The following PUM2 variants were observed in gnomAD, a reference collection of about 807,000 sequenced individuals.
The protein encoded by PUM2 is pumilio homolog 2.
A neutral mutation model predicts 124.5 loss-of-function variants in PUM2; 57 were observed. That is an observed-to-expected ratio of 0.46 (90% confidence interval 0.37 to 0.57). The LOEUF is 0.57. Ranked by LOEUF, PUM2 falls within the 20% of genes least tolerant of loss-of-function variation. The probability of loss-of-function intolerance (pLI) is 0.00; values close to 1 mark genes in which losing one functional copy is unlikely to be tolerated. For missense variants in PUM2, 1,065 were observed against 1,290.6 expected, an observed-to-expected ratio of 0.83 and a Z score of 2.68; for synonymous variants, 460 against 446.1, an observed-to-expected ratio of 1.03 and a Z score of -0.39.
intron 20 of PUM2, among the ~76,000 whole-genome samples, 183 bp from the exon 21 acceptor site, chr2:20,251,899 C>T (rs1013636214): frequency 2.0e-5 from 3 of 152,154 alleles, no homozygotes; most frequent in Non-Finnish European, 4.4e-5. Flanking sequence ...CATCTGTTCT[C>T]GAAATTGTTC....
intron 10 of PUM2, among the ~76,000 whole-genome samples, chr2:20,288,982 T>G (rs924964693): frequency 9.5e-4 from 144 of 152,244 alleles, no homozygotes; most frequent in African/African-American, 3.3e-3. Flanking sequence ...CTCAAAAGAT[T>G]AAGTAATCCA....
chr2:20,342,085 C>T (rs1268007669), intron 1 of PUM2, among the ~76,000 whole-genome samples: 3 of 148,294 alleles, frequency 2.0e-5, no homozygotes, highest in African/African-American at 7.5e-5. Context: ...GCGGAGATTG[C>T]GCCACTACAC....
In PUM2 at chr2:20,318,574, C is replaced by T; in HGVS notation, c.123G>A (p.Gly41=). The T allele has an allele frequency of 1.2e-6, 2 of 1,613,498 alleles. No homozygotes were observed. The highest frequency in any genetic ancestry group is 1.7e-4 in the Middle Eastern group (1 of 6,058). The change falls in exon 3 of 21, where the codon GGG becomes GGA. Residue 41 remains glycine (G), a synonymous_variant. Coordinates refer to ENST00000361078, the MANE Select transcript of PUM2 (RefSeq NM_015317.5). ...TKDGQKGIFL[G]DDEWRETAWG... ...ATGCAGTCTCTCTCCATTCATCATC[C>T]CCAAGAAATATGCCTTTTTGTCCAT...
intron 2 of PUM2, among the ~76,000 whole-genome samples, chr2:20,325,361 C>T (rs1558650121): frequency 6.6e-6 from 1 of 152,202 alleles, no homozygotes; most frequent in African/African-American, 2.4e-5. Flanking sequence ...CCATATCTGA[C>T]ATGTCCAATA....
intron 10 of PUM2, among the ~76,000 whole-genome samples, chr2:20,288,676 AAAG>A (rs1673286650): frequency 6.6e-6 from 1 of 152,246 alleles, no homozygotes; most frequent in African/African-American, 2.4e-5. Context: ...AGAAAGCTAG[AAAG>A]AAGAGCTAAA....
intron 13 of PUM2, among the ~76,000 whole-genome samples, chr2:20,263,886 A>T (rs1367611097): frequency 6.6e-6 from 1 of 152,178 alleles, no homozygotes; most frequent in Non-Finnish European, 1.5e-5. Flanking sequence ...ATTGAATGTT[A>T]AATCTCTAGT....
At position 20,316,667 on chromosome 2, in the gene PUM2, T is replaced by C. The variant is rs114004398; in HGVS notation, c.160+1870A>G. On this transcript the variant is annotated intron_variant, in intron 3 of 20. Coordinates refer to ENST00000361078, the MANE Select transcript of PUM2 (RefSeq NM_015317.5). ...TCACGCCTGAGGCAGGAGGATCACT[T>C]GAGGGCAGAAGTTCCGAGACCAGCC... Among the ~76,000 whole-genome samples the C allele has an allele frequency of 7.3e-3, 1,111 of 152,244 alleles. 21 individuals carry two copies. The highest frequency in any genetic ancestry group is 0.026 in the African/African-American group (1,070 of 41,548).
intron 1 of PUM2, among the ~76,000 whole-genome samples, chr2:20,348,610 G>A (rs954082987): frequency 4.6e-5 from 7 of 152,222 alleles, no homozygotes; most frequent in African/African-American, 1.7e-4. Flanking sequence ...TACTCCGGAA[G>A]GCAAATTATC....
At chr2:20,294,289 GT>G in intron 9 of PUM2, 86 bp downstream of exon 9, 1 of 1,472,322 alleles carries the variant, frequency 6.8e-7, no homozygotes, top group Non-Finnish European at 9.2e-7. Context: ...GTGAGGAAAC[GT>G]AAGTCGAAAA....
chr2:20,266,379 A>C (rs1176937524), intron 13 of PUM2, among the ~76,000 whole-genome samples: 3 of 151,518 alleles, frequency 2.0e-5, no homozygotes, highest in Non-Finnish European at 4.4e-5. Flanking sequence ...TGGGAGGCAG[A>C]GGTTGCAATG....
At chr2:20,332,022 C>T (rs941228127) in intron 1 of PUM2, 2 of 152,170 alleles carry the variant, frequency 1.3e-5, no homozygotes, top group African/African-American at 4.8e-5. Context: ...ACGTGGTTTT[C>T]ATGTATCACA....
chr2:20,269,458 C>T (rs1477666615), intron 13 of PUM2, among the ~76,000 whole-genome samples: 2 of 152,074 alleles, frequency 1.3e-5, no homozygotes, highest in African/African-American at 4.8e-5. Context: ...GCCTTGGCCT[C>T]CCAAAGTGCT....
At position 20,257,373 on chromosome 2, in the gene PUM2, TGAAA is replaced by T. The variant is rs1467222196; in HGVS notation, c.2484+866_2484+869del. ...CATCCATCCATATATTACTATTTAT[TGAAA>T]TTTTCTTTTATTGTATGAGTCAAAG... On this transcript the variant is annotated intron_variant, in intron 16 of 20. Coordinates refer to ENST00000361078, the MANE Select transcript of PUM2 (RefSeq NM_015317.5). Among the ~76,000 whole-genome samples the T allele has an allele frequency of 5.3e-5, 8 of 152,316 alleles. 1 individual carries two copies. The highest frequency in any genetic ancestry group is 1.9e-4 in the African/African-American group (8 of 41,584).
At chr2:20,351,065 C>T (rs973660419), upstream of PUM2, among the ~76,000 whole-genome samples, 2 of 152,212 alleles carry the variant, frequency 1.3e-5, no homozygotes, top group Non-Finnish European at 2.9e-5. Context: ...CTCGCGCTTC[C>T]CTCCTGGGCT....
Position 20,317,193 on chromosome 2 carries a change from T to C in PUM2, c.160+1344A>G, listed in dbSNP as rs372658816. 3.6e-4 allele frequency among the ~76,000 whole-genome samples: 55 copies of C among 152,106 alleles called. No homozygotes were observed. The South Asian group carries it at 1.0e-2, about 28-fold the overall frequency. ...GCCTAGGCAACAGAGCAACACCCTC[T>C]TAAAAAGGAAAAAAAAAAAGCATTT... is the stretch of plus-strand genomic sequence containing the variant. On this transcript the variant is annotated intron_variant, in intron 3 of 20. Coordinates refer to ENST00000361078, the MANE Select transcript of PUM2 (RefSeq NM_015317.5).
intron 3 of PUM2, among the ~76,000 whole-genome samples, chr2:20,315,718 C>A (rs531527175): frequency 6.6e-6 from 1 of 151,052 alleles, no homozygotes; most frequent in Non-Finnish European, 1.5e-5. Context: ...TCCAGCACTT[C>A]GGGAGGCTGA....
intron 13 of PUM2, among the ~76,000 whole-genome samples, chr2:20,269,178 T>C (rs1041236284): frequency 4.6e-5 from 7 of 151,878 alleles, no homozygotes; most frequent in African/African-American, 1.5e-4. Flanking sequence ...AGGTATAAAC[T>C]GAATAAAATT....
At chr2:20,285,628 C>G (rs1277402164) in intron 10 of PUM2, among the ~76,000 whole-genome samples, 1 of 152,134 alleles carries the variant, frequency 6.6e-6, no homozygotes, top group Non-Finnish European at 1.5e-5. Flanking sequence ...CTTAATTTTT[C>G]ATAAATTCAT....
chr2:20,266,184 A>C (rs1301850183), intron 13 of PUM2, among the ~76,000 whole-genome samples: 6 of 152,132 alleles, frequency 3.9e-5, no homozygotes, highest in Non-Finnish European at 7.4e-5. Flanking sequence ...GCTCACGCCT[A>C]TAATCCCAGC....
Sources: gnomAD v4.1 joint callset for allele counts (sites outside exome capture counted in the v4.1 genomes callset) on GRCh38, gnomAD v4.1.1 for gene constraint, MANE v1.5 for transcripts, NCBI Gene and HGNC (gene_info 2026-07-23, HGNC 2026-07-21) for gene names.